SLC2A10: variants seen among roughly 807,000 people sequenced by gnomAD.
The protein encoded by SLC2A10 is solute carrier family 2 member 10, also known as solute carrier family 2, facilitated glucose transporter member 10.
SLC2A10 carries 25 observed loss-of-function variants against 32.1 expected under a neutral mutation model. The observed-to-expected ratio is 0.78, with a 90% CI of 0.57 to 1.09. The LOEUF is 1.09. Among genes scored for constraint, SLC2A10 ranks in the 50% least tolerant of loss-of-function variants. SLC2A10 has a pLI of 0.00. For missense variants in SLC2A10, 673 were observed against 686.5 expected (o/e 0.98, Z 0.22); for synonymous variants, 332 against 309.6 (o/e 1.07, Z -0.76).
intron 1 of SLC2A10, among the ~76,000 whole-genome samples, chr20:46,711,566 A>G (rs1021639090): frequency 2.0e-5 from 3 of 152,088 alleles, no homozygotes; most frequent in African/African-American, 7.2e-5. Context: ...TTGTTCCTGC[A>G]CCTCCTATTC....
intron 1 of SLC2A10, among the ~76,000 whole-genome samples, chr20:46,715,389 GCAAA>G (rs1283202140): frequency 6.6e-6 from 1 of 152,184 alleles, no homozygotes; most frequent in Non-Finnish European, 1.5e-5. Context: ...CCAGGAAATG[GCAAA>G]CAAATCCTGG....
upstream of SLC2A10, among the ~76,000 whole-genome samples, chr20:46,708,402 G>T (rs1025904894): frequency 4.6e-5 from 7 of 152,140 alleles, no homozygotes; most frequent in Admixed American, 3.9e-4. Flanking sequence ...TAGTGGCAGT[G>T]TCCCCAGCCT....
chr20:46,710,007 C>G (rs879904027), intron 1 of SLC2A10: 1 of 530,152 alleles, frequency 1.9e-6, no homozygotes, highest in Admixed American at 3.9e-5. Flanking sequence ...CAGGCACTCT[C>G]CCGGGCGCCC....
At chr20:46,719,236 T>C (rs1791033784) in intron 1 of SLC2A10, among the ~76,000 whole-genome samples, 2 of 152,112 alleles carry the variant, frequency 1.3e-5, no homozygotes, top group African/African-American at 4.8e-5. Flanking sequence ...TTAGTTTTGC[T>C]ATTTGGCCTG....
intron 1 of SLC2A10, among the ~76,000 whole-genome samples, chr20:46,718,922 T>G (rs1385702487): frequency 6.6e-6 from 1 of 152,162 alleles, no homozygotes; most frequent in African/African-American, 2.4e-5. Context: ...ACTACAGGTA[T>G]GCACCACCAC....
rs146579504 is a variant in SLC2A10 at position 46,725,727 on chromosome 20, C to G, written c.691C>G (p.Arg231Gly). The change falls in exon 2 of 5, where the codon CGG (arginine) becomes GGG (glycine). Residue 231 changes from arginine (R) to glycine (G), a missense_variant. Arg to Gly is a moderately radical substitution (Grantham distance 125). Coordinates refer to ENST00000359271, the MANE Select transcript of SLC2A10 (RefSeq NM_030777.4). ...CAGGGCACGCGATAACATGCGAGGC[C>G]GGACCACAGTGGGCCTGGGGCTGGT... ...LFRARDNMRGRTTVGLGLVLF... is the reference protein window; with the variant it reads ...LFRARDNMRGGTTVGLGLVLF... 1 of 1,614,050 alleles carries G rather than the reference C, an allele frequency of 6.2e-7. No homozygotes were observed. Among genetic ancestry groups the G allele is most frequent in the Non-Finnish European group, 8.5e-7 (1 of 1,180,046 alleles).
At position 46,725,913 on chromosome 20, in the gene SLC2A10, C is replaced by T. The variant is rs539783215; in HGVS notation, c.877C>T (p.Arg293Cys). The change falls in exon 2 of 5, where the codon CGT becomes TGT. Residue 293 changes from arginine to cysteine, a missense_variant. By Grantham distance (180) the Arg-to-Cys change is radical (BLOSUM62 -3). Coordinates refer to ENST00000359271, the MANE Select transcript of SLC2A10 (RefSeq NM_030777.4). ...ATLTAMGLVD[R>C]AGRRALLLAG... Reference sequence around the variant, plus strand: ...CCTGACCGCCATGGGGCTGGTGGACCGTGCAGGCCGCAGGGCTCTGTTGCT... The same window carrying T: ...CCTGACCGCCATGGGGCTGGTGGACTGTGCAGGCCGCAGGGCTCTGTTGCT... 26 of 1,614,078 alleles carry T rather than the reference C, an allele frequency of 1.6e-5. No individual in the cohort carries two copies. Among genetic ancestry groups the T allele is most frequent in the Admixed American group, 3.3e-5 (2 of 60,032 alleles).
intron 1 of SLC2A10, among the ~76,000 whole-genome samples, chr20:46,721,452 A>AGAG (rs1377536384): frequency 6.7e-6 from 1 of 150,032 alleles, no homozygotes; most frequent in African/African-American, 2.5e-5. Context: ...AAAAAAAAAA[A>AGAG]AGAGAGAGAG....
Position 46,733,801 on chromosome 20 carries a change from G to T in SLC2A10, c.1593G>T (p.Pro531=), listed in dbSNP as rs148424607. 1 of 1,614,120 alleles carries T rather than the reference G, an allele frequency of 6.2e-7. No individual in the cohort carries two copies. The highest frequency in any genetic ancestry group is 8.5e-7 in the Non-Finnish European group (1 of 1,180,018). Residue 531 remains proline, a synonymous_variant, in exon 5 of 5, where the codon CCG becomes CCT. Transcript: ENST00000359271. The part of the protein sequence containing the change: ...FGHRQNSTGI[P]YSRIEISAAS ...ACAGGCAGAACTCCACTGGCATCCC[G>T]TACAGCCGCATCGAGATCTCTGCGG...
intron 1 of SLC2A10, among the ~76,000 whole-genome samples, chr20:46,719,393 G>A (rs749319731): frequency 4.6e-5 from 7 of 152,340 alleles, no homozygotes; most frequent in Admixed American, 6.5e-5. Flanking sequence ...ACCTGAGACT[G>A]GGTAGTTTAT....
intron 4 of SLC2A10, among the ~76,000 whole-genome samples, chr20:46,729,882 G>A (rs574933088): frequency 3.3e-5 from 5 of 151,988 alleles, no homozygotes; most frequent in Admixed American, 6.5e-5. Flanking sequence ...CGCCCGCCTC[G>A]GCCTCCCAAA....
At chr20:46,720,873 A>G (rs1158055924) in intron 1 of SLC2A10, among the ~76,000 whole-genome samples, 1 of 152,154 alleles carries the variant, frequency 6.6e-6, no homozygotes, top group Non-Finnish European at 1.5e-5. Context: ...CAAGTTATCT[A>G]TTGCTGTTTA....
chr20:46,721,002 G>A (rs1979519452), intron 1 of SLC2A10, among the ~76,000 whole-genome samples: 1 of 152,110 alleles, frequency 6.6e-6, no homozygotes. Context: ...ATCATCTGGA[G>A]GCCCCTGTCT....
rs1463765996 is a variant in SLC2A10 at position 46,725,745 on chromosome 20, G to A, written c.709G>A (p.Gly237Arg). 1 of 1,614,208 alleles carries A rather than the reference G, an allele frequency of 6.2e-7. No homozygotes were observed. Among genetic ancestry groups the A allele is most frequent in the South Asian group, 1.1e-5 (1 of 91,088 alleles). Reference sequence around the variant, plus strand: ...GCGAGGCCGGACCACAGTGGGCCTGGGGCTGGTGCTCTTCCAGCAACTAAC... The same window carrying A: ...GCGAGGCCGGACCACAGTGGGCCTGAGGCTGGTGCTCTTCCAGCAACTAAC... Reference protein sequence around the residue: ...NMRGRTTVGLGLVLFQQLTGQ... With the variant: ...NMRGRTTVGLRLVLFQQLTGQ... The change falls in exon 2 of 5, where the codon GGG (glycine) becomes AGG (arginine). Residue 237 changes from glycine (G) to arginine (R), a missense_variant. By Grantham distance (125) the Gly-to-Arg change is moderately radical (BLOSUM62 -2). Transcript: ENST00000359271.
Position 46,726,178 on chromosome 20 carries a change from G to C in SLC2A10, c.1142G>C (p.Gly381Ala). 6.2e-7 allele frequency: 1 copy of C among 1,614,234 alleles called. No homozygotes were observed. The highest frequency in any genetic ancestry group is 8.5e-7 in the Non-Finnish European group (1 of 1,180,034). ...AKKTKPHPRS[G>A]DPSAPPRLAL... Reference sequence around the variant, plus strand: ...AAAACCAAGCCCCATCCCAGATCTGGAGACCCCTCAGCCCCTCCTCGGCTG... The same window carrying C: ...AAAACCAAGCCCCATCCCAGATCTGCAGACCCCTCAGCCCCTCCTCGGCTG... Residue 381 changes from glycine to alanine, a missense_variant, in exon 2 of 5, where the codon GGA becomes GCA. Gly to Ala is a moderately conservative substitution (Grantham distance 60). Coordinates refer to ENST00000359271, the MANE Select transcript of SLC2A10 (RefSeq NM_030777.4).
intron 1 of SLC2A10, among the ~76,000 whole-genome samples, chr20:46,721,423 A>G (rs1400438167): frequency 1.3e-5 from 2 of 151,800 alleles, no homozygotes; most frequent in African/African-American, 4.9e-5. Context: ...GGGCCCTACA[A>G]ATCCCTCAAT....
At position 46,726,020 on chromosome 20, in the gene SLC2A10, C is replaced by G; in HGVS notation, c.984C>G (p.Ser328Arg). 6.2e-7 allele frequency: 1 copy of G among 1,614,104 alleles called. No homozygotes were observed. Among genetic ancestry groups the G allele is most frequent in the East Asian group, 2.2e-5 (1 of 44,884 alleles). ...SFAVPMDSGP[S>R]CLAVPNATGQ... ...CCGTGCCCATGGACTCAGGCCCAAG[C>G]TGTCTGGCTGTGCCCAATGCCACCG... Residue 328 changes from serine to arginine, a missense_variant, in exon 2 of 5, where the codon AGC becomes AGG. Physicochemically the swap from Ser to Arg is moderately radical, Grantham distance 110 (BLOSUM62 -1). Coordinates refer to ENST00000359271, the MANE Select transcript of SLC2A10 (RefSeq NM_030777.4).
rs1978805598 is a variant in SLC2A10, at chr20:46,709,862, A to G, written c.4+122A>G. 1.5e-5 allele frequency: 19 copies of G among 1,236,718 alleles called. No individual in the cohort carries two copies. The South Asian group carries it at 2.5e-4, about 16-fold the overall frequency. The allele number at this position is 1,236,718 out of a possible 1,614,324, so 76.6% of individuals were successfully genotyped here. A position where few individuals can be genotyped will look rare whatever the true frequency, so the allele number is the denominator to read the frequency against. On this transcript the variant is annotated intron_variant, in intron 1 of 4. Coordinates refer to ENST00000359271, the MANE Select transcript of SLC2A10 (RefSeq NM_030777.4). ...TCCCCCAGGGCCGCCCCGGCCGGAT[A>G]CCGCCTCTCGGGTGGCCAGCCCGAG...
Position 46,735,580 on chromosome 20 carries a change from G to A in SLC2A10, c.*1746G>A, listed in dbSNP as rs1980528232. 1 of 152,142 alleles carries A rather than the reference G, an allele frequency of 6.6e-6. No homozygotes were observed. The highest frequency in any genetic ancestry group is 2.4e-5 in the African/African-American group (1 of 41,428). 9.4% of individuals were successfully genotyped at this position (152,142 alleles called of 1,614,324 possible). ...GGGGAGACACCGCGCATCTCTTCCT[G>A]ATTCCCCACTCAATGACATCATGTT... is the stretch of plus-strand genomic sequence containing the variant. On this transcript the variant is annotated 3_prime_UTR_variant, in exon 5 of 5. Transcript: ENST00000359271.
Sources: gnomAD v4.1 joint callset for allele counts (sites outside exome capture counted in the v4.1 genomes callset) on GRCh38, gnomAD v4.1.1 for gene constraint, MANE v1.5 for transcripts, NCBI Gene and HGNC (gene_info 2026-07-23, HGNC 2026-07-21) for gene names.